Variants in GARNL3 observed in about 807,000 individuals in gnomAD.
GARNL3 encodes the protein GTPase activating Rap/RanGAP domain like 3.
In GARNL3, 63 loss-of-function variants were observed where a neutral mutation model predicts 125.0. That is an observed-to-expected ratio of 0.50 (90% confidence interval 0.41 to 0.62). The LOEUF is 0.62. GARNL3 is among the 20% of genes least tolerant of loss of function. The probability of loss-of-function intolerance (pLI) is 0.00; values close to 1 mark genes in which losing one functional copy is unlikely to be tolerated. For synonymous variants in GARNL3, 439 were observed against 457.5 expected, an observed-to-expected ratio of 0.96 and a Z score of 0.52; for missense variants, 994 against 1,244.0, an observed-to-expected ratio of 0.80 and a Z score of 3.02.
At chr9:127,371,592 G>A (rs1202648653) in intron 22 of GARNL3, among the ~76,000 whole-genome samples, 1 of 152,126 alleles carries the variant, frequency 6.6e-6, no homozygotes, top group Non-Finnish European at 1.5e-5. Flanking sequence ...CTTGGTTCAA[G>A]GCAAATTTTA....
intron 25 of GARNL3, 72 bp downstream of exon 25, chr9:127,387,403 T>A: frequency 7.4e-7 from 1 of 1,358,198 alleles, no homozygotes; most frequent in African/African-American, 1.5e-5. Context: ...TTGTCTAATA[T>A]CTACATGTGA....
chr9:127,298,078 C>T (rs900654828), intron 2 of GARNL3, among the ~76,000 whole-genome samples: 1 of 152,224 alleles, frequency 6.6e-6, no homozygotes, highest in African/African-American at 2.4e-5. Flanking sequence ...CTCTGAATGG[C>T]CTTCCACTCA....
At chr9:127,314,960 A>G (rs948668882) in intron 4 of GARNL3, among the ~76,000 whole-genome samples, 1 of 152,192 alleles carries the variant, frequency 6.6e-6, no homozygotes, top group African/African-American at 2.4e-5. Flanking sequence ...AGGTAGAAGG[A>G]GCAACAAATG....
chr9:127,325,411 A>G (rs111528838), intron 7 of GARNL3, among the ~76,000 whole-genome samples: 1 of 152,302 alleles, frequency 6.6e-6, no homozygotes, highest in African/African-American at 2.4e-5. Flanking sequence ...TGTGTGCTTT[A>G]TTAGGATGCT....
chr9:127,367,445 T>G (rs1281645977), intron 22 of GARNL3: 5 of 152,234 alleles, frequency 3.3e-5, no homozygotes, highest in Non-Finnish European at 1.5e-5. Context: ...GTTGAAAATA[T>G]TTTATAATGG....
chr9:127,313,536 C>T lies in GARNL3; in HGVS notation c.415C>T (p.Arg139Cys), dbSNP rs1401629962. The change falls in exon 4 of 28, where the codon CGT becomes TGT. Residue 139 changes from arginine to cysteine, a missense_variant. Physicochemically the swap from Arg to Cys is radical, Grantham distance 180. Transcript: ENST00000373387. The part of the protein sequence containing the change: ...DQNNQRVPQY[R>C]AILWRKTGTQ... ...AAACAATCAACGTGTCCCTCAATACCGTGCAATTCTTTGGAGAAAAACAGT... is the reference window on the plus strand; with the variant it reads ...AAACAATCAACGTGTCCCTCAATACTGTGCAATTCTTTGGAGAAAAACAGT... The T allele has an allele frequency of 2.5e-6, 4 of 1,613,172 alleles. No individual in the cohort carries two copies. Among genetic ancestry groups the T allele is most frequent in the African/African-American group, 2.7e-5 (2 of 74,880 alleles).
At position 127,365,331 on chromosome 9, in the gene GARNL3, A is replaced by C; in HGVS notation, c.2126A>C (p.Glu709Ala). The C allele has an allele frequency of 6.2e-7, 1 of 1,614,080 alleles. No individual in the cohort carries two copies. The highest frequency in any genetic ancestry group is 8.5e-7 in the Non-Finnish European group (1 of 1,179,918). Reference sequence around the variant, plus strand: ...TTTGTTGCAGCTATTGATGTGTACGAAGATGGAGAAGCTGGTTTGCTGTTG... The same window carrying C: ...TTTGTTGCAGCTATTGATGTGTACGCAGATGGAGAAGCTGGTTTGCTGTTG... Reference protein sequence around the residue: ...VNFVAAIDVYEDGEAGLLLCY... With the variant: ...VNFVAAIDVYADGEAGLLLCY... The change falls in exon 22 of 28, where the codon GAA becomes GCA. Residue 709 changes from glutamate (E) to alanine (A), a missense_variant. Glu to Ala is a moderately radical substitution (Grantham distance 107, BLOSUM62 -1). Coordinates refer to ENST00000373387, the MANE Select transcript of GARNL3 (RefSeq NM_032293.5).
intron 22 of GARNL3, among the ~76,000 whole-genome samples, chr9:127,374,923 A>C (rs10987627): frequency 0.029 from 4,346 of 151,516 alleles, 209 homozygotes; most frequent in African/African-American, 0.097. Context: ...AAAAAAAAAA[A>C]AACAACAAAG....
chr9:127,313,410 A>C (rs1197655262), intron 3 of GARNL3, 31 bp from the exon 4 acceptor site: 1 of 1,491,328 alleles, frequency 6.7e-7, no homozygotes, highest in Non-Finnish European at 9.4e-7. Context: ...GATCAGTTGC[A>C]TTCTCACTGT....
At chr9:127,348,898 C>A (rs1830282959) in intron 16 of GARNL3, 26 bp from the exon 17 acceptor site, 1 of 1,518,460 alleles carries the variant, frequency 6.6e-7, no homozygotes, top group Non-Finnish European at 9.1e-7. Flanking sequence ...GTGCACTTAT[C>A]TTCCGATGCT....
chr9:127,380,266 T>C (rs533076345), intron 22 of GARNL3, among the ~76,000 whole-genome samples: 254 of 151,552 alleles, frequency 1.7e-3, no homozygotes, highest in African/African-American at 6.0e-3. Flanking sequence ...GACATAAGGT[T>C]GCAGATGATT....
chr9:127,251,033 C>T lies in GARNL3; in HGVS notation c.143+7784C>T, dbSNP rs139173033. On this transcript the variant is annotated intron_variant, in intron 2 of 10. Transcript: ENST00000439286. ...TTTCAACTTTCATATTCCTCAAGGA[C>T]CAGTAACCCATTTTTGGTGCTAACC... Among the ~76,000 whole-genome samples, 771 of 152,290 alleles carry T rather than the reference C, an allele frequency of 5.1e-3. 6 individuals carry two copies. Among genetic ancestry groups the T allele is most frequent in the Non-Finnish European group, 8.9e-3 (604 of 68,030 alleles).
At chr9:127,322,921 T>C (rs2065446560) in intron 6 of GARNL3, among the ~76,000 whole-genome samples, 1 of 152,250 alleles carries the variant, frequency 6.6e-6, no homozygotes, top group African/African-American at 2.4e-5. Context: ...AAAGGGTATC[T>C]GTGTGTTTCT....
intron 4 of GARNL3, among the ~76,000 whole-genome samples, chr9:127,316,177 G>A (rs1430761329): frequency 7.2e-5 from 11 of 152,204 alleles, no homozygotes; most frequent in Admixed American, 7.2e-4. Flanking sequence ...AGGTGTCACT[G>A]TCACCCAGTG....
At chr9:127,284,257 A>G (rs927609036) in intron 1 of GARNL3, among the ~76,000 whole-genome samples, 1 of 152,200 alleles carries the variant, frequency 6.6e-6, no homozygotes, top group African/African-American at 2.4e-5. Flanking sequence ...ATGTTTTCCT[A>G]GAAAATTTGC....
At position 127,390,816 on chromosome 9, in the gene GARNL3, C is replaced by T. The variant is rs748674754; in HGVS notation, c.2870+49C>T. ...CTTGGGGTGGTGGACCTATGAGTCACAGCACTGCCCAGGAGGCCCCTTCTG... is the reference window on the plus strand; with the variant it reads ...CTTGGGGTGGTGGACCTATGAGTCATAGCACTGCCCAGGAGGCCCCTTCTG... On this transcript the variant is annotated intron_variant, in intron 27 of 27. Coordinates refer to ENST00000373387, the MANE Select transcript of GARNL3 (RefSeq NM_032293.5). 3.6e-5 allele frequency: 57 copies of T among 1,580,142 alleles called. No individual in the cohort carries two copies. The East Asian group carries it at 1.2e-3, about 34-fold the overall frequency.
At chr9:127,227,911 C>A (rs1469896112) in intron 1 of GARNL3, among the ~76,000 whole-genome samples, 1 of 152,120 alleles carries the variant, frequency 6.6e-6, no homozygotes, top group Non-Finnish European at 1.5e-5. Flanking sequence ...CAGAGCAAGA[C>A]CCTATCTCAA....
At chr9:127,346,827 T>C (rs1371287828) in intron 16 of GARNL3, among the ~76,000 whole-genome samples, 1 of 152,166 alleles carries the variant, frequency 6.6e-6, no homozygotes, top group Non-Finnish European at 1.5e-5. Flanking sequence ...TGCCCACCTC[T>C]TCAGCACTCA....
chr9:127,333,525 A>G (rs928706545), intron 9 of GARNL3, among the ~76,000 whole-genome samples: 1 of 152,206 alleles, frequency 6.6e-6, no homozygotes, highest in African/African-American at 2.4e-5. Context: ...ACAGAAGGCA[A>G]CTGAGAAGAA....
Sources: allele counts gnomAD v4.1 joint callset (sites outside exome capture counted in the v4.1 genomes callset), GRCh38; gene constraint gnomAD v4.1.1; transcripts MANE v1.5; gene names NCBI Gene and HGNC (gene_info 2026-07-23, HGNC 2026-07-21).